Variants in NTM observed in about 807,000 individuals in gnomAD.
NTM encodes neurotrimin.
Under a neutral mutation model 42.1 loss-of-function variants are expected in NTM, and 13 were observed. The ratio of observed to expected loss-of-function variants is 0.31; its 90% CI spans 0.20 to 0.49. The LOEUF (loss-of-function observed/expected upper bound fraction) is 0.49. Among genes scored for constraint, NTM ranks in the 20% least tolerant of loss-of-function variants. The pLI is 0.99. For synonymous variants in NTM, 187 were observed against 179.2 expected (o/e 1.04, Z -0.35); for missense variants, 373 against 452.8 (o/e 0.82, Z 1.60).
chr11:131,869,280 C>T (rs115069880), intron 1 of NTM, among the ~76,000 whole-genome samples: 2,520 of 152,302 alleles, frequency 0.017, 62 homozygotes, highest in African/African-American at 0.057. Flanking sequence ...TGCTTCTCCC[C>T]GCCTACGCGC....
intron 1 of NTM, among the ~76,000 whole-genome samples, chr11:131,643,082 G>A (rs951201415): frequency 5.3e-5 from 8 of 150,904 alleles, no homozygotes; most frequent in African/African-American, 1.9e-4. Flanking sequence ...AGGGGGGAAT[G>A]AGAAAATGGT....
At chr11:131,801,145 C>T (rs905710902) in intron 1 of NTM, among the ~76,000 whole-genome samples, 1 of 152,270 alleles carries the variant, frequency 6.6e-6, no homozygotes, top group African/African-American at 2.4e-5. Flanking sequence ...CAAATCAAAC[C>T]TGCTGTGACC....
intron 1 of NTM, among the ~76,000 whole-genome samples, chr11:131,773,254 C>CA (rs1425076308): frequency 3.3e-5 from 5 of 151,846 alleles, no homozygotes; most frequent in Non-Finnish European, 7.4e-5. Context: ...GATGGTGGGG[C>CA]AAAAAAGGGC....
chr11:132,063,284 T>C (rs2080963926), intron 2 of NTM, among the ~76,000 whole-genome samples: 2 of 152,158 alleles, frequency 1.3e-5, no homozygotes, highest in South Asian at 4.1e-4. Context: ...ATGCATGAAT[T>C]TGGGGACACA....
At chr11:131,614,044 A>G (rs1038760986) in intron 1 of NTM, among the ~76,000 whole-genome samples, 3 of 152,234 alleles carry the variant, frequency 2.0e-5, no homozygotes, top group Admixed American at 2.0e-4. Flanking sequence ...ACTTATGAGT[A>G]GCCTCTCAAT....
At chr11:131,602,106 C>T (rs1338398093) in intron 1 of NTM, among the ~76,000 whole-genome samples, 1 of 152,322 alleles carries the variant, frequency 6.6e-6, no homozygotes, top group East Asian at 1.9e-4. Flanking sequence ...GTACTTATTT[C>T]ATCCCTGTAT....
intron 7 of NTM, 132 bp downstream of exon 7, chr11:132,314,835 A>G (rs2095381628): frequency 7.1e-7 from 1 of 1,401,098 alleles, no homozygotes; most frequent in South Asian, 1.8e-5. Flanking sequence ...GAGGAAAAAA[A>G]AGAGAGAGAC....
intron 4 of NTM, among the ~76,000 whole-genome samples, chr11:132,285,368 G>A (rs1034496043): frequency 1.5e-4 from 23 of 152,110 alleles, no homozygotes; most frequent in Non-Finnish European, 3.2e-4. Flanking sequence ...TCACCTTTTT[G>A]TTGTTGTTAA....
At chr11:131,910,879 G>C in intron 1 of NTM, 1 of 985,328 alleles carries the variant, frequency 1.0e-6, no homozygotes, top group Non-Finnish European at 1.2e-6. Context: ...GCAGGATCCC[G>C]GGCCCGGATC....
At chr11:132,293,532 A>G (rs1379782884) in intron 4 of NTM, among the ~76,000 whole-genome samples, 3 of 152,144 alleles carry the variant, frequency 2.0e-5, no homozygotes, top group Non-Finnish European at 4.4e-5. Flanking sequence ...AGTCCGATGA[A>G]GGGTTATATG....
intron 1 of NTM, among the ~76,000 whole-genome samples, chr11:131,683,858 G>A (rs1416484404): frequency 2.6e-5 from 4 of 152,122 alleles, no homozygotes; most frequent in Non-Finnish European, 5.9e-5. Flanking sequence ...ACTTCTCCCC[G>A]GGGTCTTCCC....
intron 1 of NTM, among the ~76,000 whole-genome samples, chr11:131,707,194 T>C (rs1216465915): frequency 6.6e-6 from 1 of 152,050 alleles, no homozygotes; most frequent in Admixed American, 6.5e-5. Flanking sequence ...ACTACTATTC[T>C]ACTCTTTACA....
intron 2 of NTM, among the ~76,000 whole-genome samples, chr11:131,960,841 A>G (rs1027600267): frequency 6.6e-6 from 1 of 152,062 alleles, no homozygotes; most frequent in African/African-American, 2.4e-5. Flanking sequence ...TTTTCCAATT[A>G]TTTTCTGCTG....
At chr11:131,789,943 G>C (rs182226784) in intron 1 of NTM, among the ~76,000 whole-genome samples, 4,706 of 112,700 alleles carry the variant, frequency 0.042, 263 homozygotes, top group African/African-American at 0.15. Context: ...GCGACAGAGC[G>C]AGACTCCGTC....
chr11:132,060,747 T>A (rs951445412), intron 2 of NTM, among the ~76,000 whole-genome samples: 4 of 152,144 alleles, frequency 2.6e-5, no homozygotes, highest in Non-Finnish European at 5.9e-5. Flanking sequence ...TTCATGAGGG[T>A]CTAGACCTGA....
intron 1 of NTM, among the ~76,000 whole-genome samples, chr11:131,466,295 T>C (rs1385945231): frequency 1.3e-5 from 2 of 152,220 alleles, no homozygotes; most frequent in Non-Finnish European, 2.9e-5. Context: ...CCCAGATTTA[T>C]TGACTTCTTC....
rs1329144710 is a variant in NTM at position 132,323,581 on chromosome 11, G to A, written c.935-6572G>A. 6.0e-5 allele frequency among the ~76,000 whole-genome samples: 9 copies of A among 151,112 alleles called. 2 individuals carry two copies. Among genetic ancestry groups the A allele is most frequent in the African/African-American group, 1.5e-4 (6 of 41,194 alleles). On this transcript the variant is annotated intron_variant, in intron 7 of 8. Transcript: ENST00000683400. ...TCCAGGACCAGATGGATTCACAGCC[G>A]AATTCTACCAGAGGTACAAGGAGGA...
chr11:131,703,698 C>T (rs1415933579), intron 1 of NTM, among the ~76,000 whole-genome samples: 2 of 152,150 alleles, frequency 1.3e-5, no homozygotes, highest in Non-Finnish European at 2.9e-5. Context: ...AGAAAAGCTG[C>T]ATTGAAGAGA....
intron 1 of NTM, among the ~76,000 whole-genome samples, chr11:131,466,413 G>C (rs1005333620): frequency 1.3e-5 from 2 of 152,202 alleles, no homozygotes; most frequent in African/African-American, 4.8e-5. Flanking sequence ...AACTTGGACT[G>C]TAAGCATTTA....
Sources: gnomAD v4.1 joint callset for allele counts (sites outside exome capture counted in the v4.1 genomes callset) on GRCh38, gnomAD v4.1.1 for gene constraint, MANE v1.5 for transcripts, NCBI Gene and HGNC (gene_info 2026-07-23, HGNC 2026-07-21) for gene names.